Variants in DDX56 observed in about 807,000 individuals in gnomAD.
DDX56 encodes the protein probable ATP-dependent RNA helicase DDX56.
DDX56 carries 45 observed loss-of-function variants against 61.5 expected under a neutral mutation model. The observed-to-expected ratio is 0.73, with a 90% CI of 0.58 to 0.94. The LOEUF is 0.94. DDX56 is among the 40% of genes least tolerant of loss of function. DDX56 has a pLI of 0.00. For missense variants in DDX56, 708 were observed against 690.7 expected, an observed-to-expected ratio of 1.02 and a Z score of -0.28; for synonymous variants, 273 against 268.3, an observed-to-expected ratio of 1.02 and a Z score of -0.17.
At position 44,572,968 on chromosome 7, in the gene DDX56, A is replaced by G. The variant is rs141009542; in HGVS notation, c.305T>C (p.Ile102Thr). Residue 102 changes from isoleucine (I) to threonine (T), a missense_variant, in exon 3 of 14, where the codon ATT becomes ACT. Coordinates refer to ENST00000258772, the MANE Select transcript of DDX56 (RefSeq NM_019082.4). ...AGCACAGTAGGTAGCCAGCTGCTGA[A>G]TCATGGACTGTGCTTGCCGTGCCAG... ...KELARQAQSM[I>T]QQLATYCARD... 3.7e-6 allele frequency: 6 copies of G among 1,613,418 alleles called. No homozygotes were observed. The highest frequency in any genetic ancestry group is 2.7e-5 in the African/African-American group (2 of 74,928).
At chr7:44,571,396 G>T in intron 6 of DDX56, 96 bp downstream of exon 6, 1 of 1,432,418 alleles carries the variant, frequency 7.0e-7, no homozygotes, top group Non-Finnish European at 9.7e-7. Context: ...CTAGAACCTG[G>T]CCCCTACTAA....
chr7:44,565,924 C>T lies in DDX56; in HGVS notation c.*78G>A, dbSNP rs1585167738. 1.7e-6 allele frequency: 2 copies of T among 1,147,572 alleles called. No homozygotes were observed. The highest frequency in any genetic ancestry group is 4.8e-5 in the East Asian group (2 of 41,838). The allele number at this position is 1,147,572 out of a possible 1,614,324, so 71.1% of individuals were successfully genotyped here. A position where few individuals can be genotyped will look rare whatever the true frequency, so the allele number is the denominator to read the frequency against. On this transcript the variant is annotated 3_prime_UTR_variant, in exon 14 of 14. Transcript: ENST00000258772. Reference sequence around the variant, plus strand: ...CTGTCTGTTCAGGCTGTGCAGTAAGCACCAGAGCCTCGCCTGTCCACGAAG... The same window carrying T: ...CTGTCTGTTCAGGCTGTGCAGTAAGTACCAGAGCCTCGCCTGTCCACGAAG...
chr7:44,573,043 G>T lies in DDX56; in HGVS notation c.230C>A (p.Pro77Gln), dbSNP rs748709769. 6.3e-6 allele frequency: 10 copies of T among 1,578,600 alleles called. No homozygotes were observed. Among genetic ancestry groups the T allele is most frequent in the Non-Finnish European group, 8.6e-6 (10 of 1,163,574 alleles). Reference protein sequence around the residue: ...QLLLHRKATGPVVEQAVRGLV... With the variant: ...QLLLHRKATGQVVEQAVRGLV... ...GCCTCTCACTGCCTGTTCTACCACC[G>T]GACCTGTCTGTAAGAATATGAATTA... The change falls in exon 3 of 14, where the codon CCG (proline) becomes CAG (glutamine). Residue 77 changes from proline to glutamine, a missense_variant. By Grantham distance (76) the Pro-to-Gln change is moderately conservative. Transcript: ENST00000258772.
At chr7:44,568,302 C>A (rs942993311) in intron 11 of DDX56, 79 bp from the exon 12 acceptor site, 17 of 1,041,682 alleles carry the variant, frequency 1.6e-5, no homozygotes, top group Middle Eastern at 2.1e-4. Flanking sequence ...CAAAGGATAA[C>A]ACACTCATGT....
chr7:44,573,620 G>A lies in DDX56; in HGVS notation c.185C>T (p.Ala62Val). 1 of 1,613,910 alleles carries A rather than the reference G, an allele frequency of 6.2e-7. No individual in the cohort carries two copies. Among genetic ancestry groups the A allele is most frequent in the Non-Finnish European group, 8.5e-7 (1 of 1,180,038 alleles). Residue 62 changes from alanine to valine, a missense_variant, in exon 2 of 14, where the codon GCT becomes GTT. Coordinates refer to ENST00000258772, the MANE Select transcript of DDX56 (RefSeq NM_019082.4). ...GAGCAACAGCTGCAGCATCGGAATA[G>A]CATAAGCGGCCGTCTTCCCGGAGCC... is the stretch of plus-strand genomic sequence containing the variant. ...RTGSGKTAAY[A>V]IPMLQLLLHR...
intron 13 of DDX56, 40 bp from the exon 14 acceptor site, chr7:44,566,119 C>A (rs1200947966): frequency 2.9e-6 from 4 of 1,391,016 alleles, no homozygotes; most frequent in Non-Finnish European, 4.0e-6. Context: ...GGGAATCAGG[C>A]CGACAGACAA....
rs1272550057 is a variant in DDX56 at position 44,572,431 on chromosome 7, C to A, written c.561G>T (p.Leu187Phe). The A allele has an allele frequency of 4.3e-6, 7 of 1,614,110 alleles. No homozygotes were observed. The East Asian group carries it at 1.3e-4, about 31-fold the overall frequency. ...TGAGAAAAGCCTGGTAAATCCGGGG[C>A]AAGTGACTGAAATGAAAGAATCCAA... Reference protein sequence around the residue: ...EEELKSLLCHLPRIYQAFLMS... With the variant: ...EEELKSLLCHFPRIYQAFLMS... Residue 187 changes from leucine (L) to phenylalanine (F), a missense_variant, in exon 5 of 14, where the codon TTG becomes TTT. Coordinates refer to ENST00000258772, the MANE Select transcript of DDX56 (RefSeq NM_019082.4).
At chr7:44,569,655 G>T (rs549161956) in intron 9 of DDX56, 154 bp downstream of exon 9, 7 of 684,528 alleles carry the variant, frequency 1.0e-5, no homozygotes, top group South Asian at 9.4e-5. Context: ...TCTCTCAAGG[G>T]GGACAGTGCC....
In DDX56 at chr7:44,568,235, A is replaced by G. The variant is rs1802590193; in HGVS notation, c.1384-12T>C. 4.4e-6 allele frequency: 7 copies of G among 1,590,542 alleles called. No homozygotes were observed. Among genetic ancestry groups the G allele is most frequent in the Non-Finnish European group, 6.0e-6 (7 of 1,161,846 alleles). ...TCTTCAAAGTATGTCTGCCGGGGGA[A>G]GAGGGAGAGCCACAGAGTGAGCATC... is the stretch of plus-strand genomic sequence containing the variant. On this transcript the variant is annotated splice_polypyrimidine_tract_variant and intron_variant, in intron 11 of 13. Coordinates refer to ENST00000258772, the MANE Select transcript of DDX56 (RefSeq NM_019082.4).
intron 12 of DDX56, 36 bp downstream of exon 12, chr7:44,568,082 A>AGCCTGCT: frequency 6.5e-7 from 1 of 1,533,136 alleles, no homozygotes; most frequent in Non-Finnish European, 9.0e-7. Flanking sequence ...CCACTTCCCC[A>AGCCTGCT]GCCTGCTGCC....
rs758038294 is a variant in DDX56 at position 44,570,713 on chromosome 7, C to T, written c.1010+45G>A. The T allele has an allele frequency of 3.4e-5, 54 of 1,575,126 alleles. 1 individual carries two copies. In the South Asian group the frequency reaches 6.0e-4, roughly 18 times the overall value. Reference sequence around the variant, plus strand: ...TTTTAGTCTTCCAAAAAGCTAAAAACACAGGCATTTCTGGGGAGGGATGGA... The same window carrying T: ...TTTTAGTCTTCCAAAAAGCTAAAAATACAGGCATTTCTGGGGAGGGATGGA... On this transcript the variant is annotated intron_variant, in intron 7 of 13. Transcript: ENST00000258772.
At chr7:44,573,396 T>C (rs1328382297) in intron 2 of DDX56, among the ~76,000 whole-genome samples, 187 bp downstream of exon 2, 2 of 152,234 alleles carry the variant, frequency 1.3e-5, no homozygotes, top group Non-Finnish European at 2.9e-5. Context: ...AGGTTGGTGG[T>C]AGCAGGGCCG....
At chr7:44,570,518 G>C (rs1802643835) in intron 7 of DDX56, among the ~76,000 whole-genome samples, 1 of 152,202 alleles carries the variant, frequency 6.6e-6, no homozygotes, top group Admixed American at 6.5e-5. Flanking sequence ...CCCCTGCAGG[G>C]CTCTGCATGC....
chr7:44,571,410 C>T (rs3793250), intron 6 of DDX56, 82 bp downstream of exon 6: 78,008 of 1,552,728 alleles, frequency 0.05, 4,781 homozygotes, highest in East Asian at 0.27. Flanking sequence ...CTACTAAGTG[C>T]TTAAGAAACA....
rs752633905 is a variant in DDX56 at position 44,572,489 on chromosome 7, G to GT, written c.555-53dup. On this transcript the variant is annotated intron_variant, in intron 4 of 13. Transcript: ENST00000258772. Reference sequence around the variant, plus strand: ...CCAGCTCCAAGGGCCGCTAATTGTAGTAACTGGCTTCCAGCCACCCCGCTC... The same window carrying GT: ...CCAGCTCCAAGGGCCGCTAATTGTAGTTAACTGGCTTCCAGCCACCCCGCTC... 2.2e-5 allele frequency: 35 copies of GT among 1,612,818 alleles called. No individual in the cohort carries two copies. In the South Asian group the frequency reaches 3.7e-4, roughly 17 times the overall value.
chr7:44,566,720 A>G (rs1802546793), intron 12 of DDX56, among the ~76,000 whole-genome samples, 196 bp from the exon 13 acceptor site: 3 of 152,106 alleles, frequency 2.0e-5, no homozygotes, highest in African/African-American at 7.2e-5. Flanking sequence ...ACTCTCCTAT[A>G]TTGTTTAGAT....
At chr7:44,572,324 G>A in intron 5 of DDX56, 23 bp downstream of exon 5, 2 of 1,601,980 alleles carry the variant, frequency 1.2e-6, no homozygotes, top group South Asian at 1.1e-5. Flanking sequence ...TGCAGCTCCA[G>A]ACACTTCCAT....
intron 13 of DDX56, 68 bp from the exon 14 acceptor site, chr7:44,566,147 C>A: frequency 1.2e-6 from 1 of 846,888 alleles, no homozygotes; most frequent in Non-Finnish European, 1.7e-6. Context: ...ACCCACCCAC[C>A]CAACTGAGAA....
At chr7:44,566,611 T>C in intron 12 of DDX56, 87 bp from the exon 13 acceptor site, 1 of 1,122,276 alleles carries the variant, frequency 8.9e-7, no homozygotes, top group Non-Finnish European at 1.3e-6. Context: ...AATTCTCCAA[T>C]TCTGACCCAA....
Sources: gnomAD v4.1 joint callset for allele counts (sites outside exome capture counted in the v4.1 genomes callset) on GRCh38, gnomAD v4.1.1 for gene constraint, MANE v1.5 for transcripts, NCBI Gene and HGNC (gene_info 2026-07-23, HGNC 2026-07-21) for gene names.